UBE2QL1: variants seen among roughly 807,000 people sequenced by gnomAD.
The protein encoded by UBE2QL1 is ubiquitin-conjugating enzyme E2Q-like protein 1.
In UBE2QL1, 5 loss-of-function variants were observed where a neutral mutation model predicts 12.6. The ratio of observed to expected loss-of-function variants is 0.40; its 90% CI spans 0.21 to 0.83. The LOEUF is 0.83. UBE2QL1 is among the 40% of genes least tolerant of loss of function. UBE2QL1 has a pLI of 0.37. For synonymous variants in UBE2QL1, 96 were observed against 94.5 expected, an observed-to-expected ratio of 1.02 and a Z score of -0.10; for missense variants, 99 against 222.6, an observed-to-expected ratio of 0.44 and a Z score of 3.53.
intron 1 of UBE2QL1, among the ~76,000 whole-genome samples, chr5:6,486,223 G>GT (rs575582872): frequency 7.2e-4 from 109 of 152,104 alleles, no homozygotes; most frequent in African/African-American, 2.5e-3. Context: ...TTCACCCAAG[G>GT]TCACACAGCC....
At chr5:6,483,630 G>A (rs1335204028) in intron 1 of UBE2QL1, among the ~76,000 whole-genome samples, 1 of 152,162 alleles carries the variant, frequency 6.6e-6, no homozygotes, top group African/African-American at 2.4e-5. Flanking sequence ...TTCCAGGCCT[G>A]GAAACATTCT....
chr5:6,496,599 T>C lies in UBE2QL1; in HGVS notation c.*5250T>C, dbSNP rs1170624609. 6.6e-6 allele frequency among the ~76,000 whole-genome samples: 1 copy of C among 151,988 alleles called. No individual in the cohort carries two copies. The highest frequency in any genetic ancestry group is 1.5e-5 in the Non-Finnish European group (1 of 67,998). On this transcript the variant is annotated 3_prime_UTR_variant, in exon 2 of 2. Transcript: ENST00000399816. ...GTGGCATAAATCAACAGGAAAGAAA[T>C]GTTTACCACTGGAAGATGGTGAGTG...
intron 1 of UBE2QL1, among the ~76,000 whole-genome samples, chr5:6,464,557 A>G (rs990996846): frequency 6.6e-6 from 1 of 152,154 alleles, no homozygotes; most frequent in African/African-American, 2.4e-5. Flanking sequence ...CTTCTTAATT[A>G]GAGGAACTTG....
At chr5:6,450,454 CA>C (rs959910999) in intron 1 of UBE2QL1, among the ~76,000 whole-genome samples, 3 of 152,138 alleles carry the variant, frequency 2.0e-5, no homozygotes, top group African/African-American at 7.2e-5. Context: ...TTTCCTGAAT[CA>C]ATATTAAGCA....
intron 1 of UBE2QL1, among the ~76,000 whole-genome samples, chr5:6,487,608 T>G (rs1579303165): frequency 6.6e-6 from 1 of 152,362 alleles, no homozygotes; most frequent in Admixed American, 6.5e-5. Context: ...TATCTCAGAC[T>G]AGATTCTTTG....
At chr5:6,472,859 T>G (rs1739946719) in intron 1 of UBE2QL1, among the ~76,000 whole-genome samples, 1 of 152,226 alleles carries the variant, frequency 6.6e-6, no homozygotes, top group African/African-American at 2.4e-5. Context: ...GGCATCCTCC[T>G]GAGCCTCCTC....
chr5:6,462,107 T>A (rs2126336372), intron 1 of UBE2QL1, among the ~76,000 whole-genome samples: 1 of 152,282 alleles, frequency 6.6e-6, no homozygotes, highest in Admixed American at 6.5e-5. Context: ...CACCCCATGC[T>A]GTCTCTGTGG....
chr5:6,474,746 G>A, intron 1 of UBE2QL1, among the ~76,000 whole-genome samples: 1 of 152,182 alleles, frequency 6.6e-6, no homozygotes, highest in Non-Finnish European at 1.5e-5. Flanking sequence ...CCTGAGAGGG[G>A]CAGTGAGCAC....
chr5:6,459,549 C>T lies in UBE2QL1; in HGVS notation c.354+10302C>T, dbSNP rs569638527. 5.9e-5 allele frequency among the ~76,000 whole-genome samples: 9 copies of T among 152,236 alleles called. 1 individual carries two copies. In the South Asian group the frequency reaches 1.9e-3, roughly 32 times the overall value. On this transcript the variant is annotated intron_variant, in intron 1 of 1. Coordinates refer to ENST00000399816, the MANE Select transcript of UBE2QL1 (RefSeq NM_001145161.3). Reference sequence around the variant, plus strand: ...ACCTGCAGACTCCTCCCCAGAATAACGTCTTTCGTTGCACAAAACAAAATG... The same window carrying T: ...ACCTGCAGACTCCTCCCCAGAATAATGTCTTTCGTTGCACAAAACAAAATG...
At chr5:6,454,455 C>A (rs1157606419) in intron 1 of UBE2QL1, among the ~76,000 whole-genome samples, 1 of 152,132 alleles carries the variant, frequency 6.6e-6, no homozygotes, top group Non-Finnish European at 1.5e-5. Context: ...TCTTAAAAAC[C>A]CTGTCTCCAA....
intron 1 of UBE2QL1, among the ~76,000 whole-genome samples, chr5:6,460,125 C>A: frequency 6.6e-6 from 1 of 152,184 alleles, no homozygotes; most frequent in East Asian, 1.9e-4. Flanking sequence ...AGCTGGAGAT[C>A]TGCAGGCAGA....
Position 6,450,089 on chromosome 5 carries a change from C to A in UBE2QL1, c.354+842C>A, listed in dbSNP as rs1265088953. On this transcript the variant is annotated intron_variant, in intron 1 of 1. Coordinates refer to ENST00000399816, the MANE Select transcript of UBE2QL1 (RefSeq NM_001145161.3). ...TTCCCTTAAGAGACAAGACCAGACCCCCCCCCCCCACGGCAATGCCTGTTT... is the reference window on the plus strand; with the variant it reads ...TTCCCTTAAGAGACAAGACCAGACCACCCCCCCCCACGGCAATGCCTGTTT... Among the ~76,000 whole-genome samples, 6 of 126,894 alleles carry A rather than the reference C, an allele frequency of 4.7e-5. No individual in the cohort carries two copies. The South Asian group carries it at 1.4e-3, about 30-fold the overall frequency. The allele number at this position is 126,894 out of a possible 152,430, so 83.2% of individuals were successfully genotyped here. A position where few individuals can be genotyped will look rare whatever the true frequency, so the allele number is the denominator to read the frequency against.
intron 1 of UBE2QL1, among the ~76,000 whole-genome samples, chr5:6,461,536 A>ACCCCCCCCCCC (rs1489545549): frequency 2.5e-4 from 9 of 36,222 alleles, no homozygotes; most frequent in African/African-American, 2.5e-4. Context: ...GTTTTTCAGC[A>ACCCCCCCCCCC]CCCACCACCC....
intron 1 of UBE2QL1, among the ~76,000 whole-genome samples, chr5:6,487,375 G>A (rs1446141580): frequency 1.3e-5 from 2 of 152,204 alleles, no homozygotes; most frequent in Admixed American, 6.5e-5. Flanking sequence ...TTCGACTTCT[G>A]TATTACAATG....
intron 1 of UBE2QL1, among the ~76,000 whole-genome samples, chr5:6,462,792 C>T (rs1000370659): frequency 3.3e-5 from 5 of 152,150 alleles, no homozygotes; most frequent in African/African-American, 7.2e-5. Context: ...GATTAAGTTG[C>T]CCAGGGAGAT....
intron 1 of UBE2QL1, among the ~76,000 whole-genome samples, chr5:6,457,149 C>G (rs769588447): frequency 2.0e-5 from 3 of 151,914 alleles, no homozygotes; most frequent in Non-Finnish European, 2.9e-5. Flanking sequence ...TCAAGTTTCC[C>G]AGCACTGTAC....
rs1734289651 is a variant in UBE2QL1 at position 6,478,751 on chromosome 5, T to A, written c.355-12467T>A. Among the ~76,000 whole-genome samples the A allele has an allele frequency of 6.6e-6, 1 of 151,908 alleles. No homozygotes were observed. Among genetic ancestry groups the A allele is most frequent in the South Asian group, 2.1e-4 (1 of 4,812 alleles). Reference sequence around the variant, plus strand: ...CCTGATCACCCAATGGCACGGGTGATCAAAGCCACAGCAGACCACAGGCAA... The same window carrying A: ...CCTGATCACCCAATGGCACGGGTGAACAAAGCCACAGCAGACCACAGGCAA... On this transcript the variant is annotated intron_variant, in intron 1 of 1. Transcript: ENST00000399816. The surrounding 1 kb of genome is among the most constrained non-coding windows in gnomAD (Gnocchi z 4.5).
chr5:6,484,218 G>A (rs1734420707), intron 1 of UBE2QL1, among the ~76,000 whole-genome samples: 1 of 152,206 alleles, frequency 6.6e-6, no homozygotes, highest in African/African-American at 2.4e-5. Flanking sequence ...AGAAGCCTGA[G>A]TGGCCCATGT....
In UBE2QL1 at chr5:6,491,232, A is replaced by G; in HGVS notation, c.369A>G (p.Arg123=). Residue 123 remains arginine, a synonymous_variant, in exon 2 of 2, where the codon AGA becomes AGG. Transcript: ENST00000399816. ...SLVKGQGRIC[R]KAGKSKKSFS... is the part of the protein sequence containing the mutation. The stretch of plus-strand genomic sequence containing the variant: ...ATCTCACGCAGGGACGGATCTGTAG[A>G]AAAGCTGGCAAATCAAAAAAGTCCT... 6.4e-7 allele frequency: 1 copy of G among 1,550,984 alleles called. No homozygotes were observed. The highest frequency in any genetic ancestry group is 8.7e-7 in the Non-Finnish European group (1 of 1,146,644).
Sources: gnomAD v4.1 joint callset for allele counts (sites outside exome capture counted in the v4.1 genomes callset) on GRCh38, gnomAD v4.1.1 for gene constraint, Gnocchi (gnomAD v3.1) non-coding constraint, MANE v1.5 for transcripts, NCBI Gene and HGNC (gene_info 2026-07-23, HGNC 2026-07-21) for gene names.